PTP4A3: variants seen among roughly 807,000 people sequenced by gnomAD.
The protein encoded by PTP4A3 is protein tyrosine phosphatase type IVA 3.
PTP4A3 carries 9 observed loss-of-function variants against 15.2 expected under a neutral mutation model. The ratio of observed to expected loss-of-function variants is 0.59; its 90% CI spans 0.36 to 1.03. The LOEUF is 1.03. Ranked by LOEUF, PTP4A3 falls within the 50% of genes least tolerant of loss-of-function variation. The pLI, the probability that PTP4A3 is intolerant of heterozygous loss-of-function variation, is 0.02. For missense variants in PTP4A3, 234 were observed against 252.1 expected, an observed-to-expected ratio of 0.93 and a Z score of 0.49; for synonymous variants, 95 against 102.0, an observed-to-expected ratio of 0.93 and a Z score of 0.41.
intron 1 of PTP4A3, among the ~76,000 whole-genome samples, chr8:141,413,056 C>G (rs1189194856): frequency 6.6e-6 from 1 of 152,196 alleles, no homozygotes; most frequent in Non-Finnish European, 1.5e-5. Flanking sequence ...GCCATGCGGA[C>G]CCTTGGAGAG....
intron 1 of PTP4A3, among the ~76,000 whole-genome samples, chr8:141,418,762 C>T (rs1160261647): frequency 1.3e-5 from 2 of 152,294 alleles, no homozygotes; most frequent in South Asian, 2.1e-4. Context: ...GTCCCCATTT[C>T]GCAGATGGGA....
In PTP4A3 at chr8:141,422,006, G is replaced by C. The variant is rs1833353964; in HGVS notation, c.-235G>C. ...CTGTTTTGTTCCTTTTCTTTTTTAA[G>C]AGTTGGGTTTTCTTTTTTAATTATC... On this transcript the variant is annotated 5_prime_UTR_variant, in exon 2 of 6. Coordinates refer to ENST00000521578, the MANE Select transcript of PTP4A3 (RefSeq NM_032611.3). The C allele has an allele frequency of 2.0e-6, 1 of 497,934 alleles. No individual in the cohort carries two copies. Among genetic ancestry groups the C allele is most frequent in the African/African-American group, 2.0e-5 (1 of 49,856 alleles). 30.8% of individuals were successfully genotyped at this position (497,934 alleles called of 1,614,324 possible). A position where few individuals can be genotyped will look rare whatever the true frequency, so the allele number is the denominator to read the frequency against.
chr8:141,406,640 G>A lies in PTP4A3; in HGVS notation c.-854+14556G>A, dbSNP rs917361491. Reference sequence around the variant, plus strand: ...GGGCCCAGACTCATTGACATCCTGCGTGAACTACAGTTTTGGTAGAGGTGC... The same window carrying A: ...GGGCCCAGACTCATTGACATCCTGCATGAACTACAGTTTTGGTAGAGGTGC... On this transcript the variant is annotated intron_variant, in intron 1 of 5. Coordinates refer to ENST00000521578, the MANE Select transcript of PTP4A3 (RefSeq NM_032611.3). This position sits in a 1 kb window ranked among gnomAD's most constrained non-coding sequence, Gnocchi z 4.5. Among the ~76,000 whole-genome samples, 2 of 152,168 alleles carry A rather than the reference G, an allele frequency of 1.3e-5. No homozygotes were observed. The highest frequency in any genetic ancestry group is 2.9e-5 in the Non-Finnish European group (2 of 68,030).
In PTP4A3 at chr8:141,425,196, C is replaced by CGGGGGGGGG; in HGVS notation, c.198+62_198+63insGGGGGGGGG. 6.9e-5 allele frequency: 25 copies of CGGGGGGGGG among 361,442 alleles called. No homozygotes were observed. The highest frequency in any genetic ancestry group is 2.0e-4 in the East Asian group (3 of 14,872). The allele number at this position is 361,442 out of a possible 1,614,324, so 22.4% of individuals were successfully genotyped here. A position where few individuals can be genotyped will look rare whatever the true frequency, so the allele number is the denominator to read the frequency against. On this transcript the variant is annotated intron_variant, in intron 3 of 5. Coordinates refer to ENST00000521578, the MANE Select transcript of PTP4A3 (RefSeq NM_032611.3). This position sits in a 1 kb window ranked among gnomAD's most constrained non-coding sequence, Gnocchi z 4.2. ...CTGCTGCCACCGGGGGAGGGTGGGG[C>CGGGGGGGGG]GGGGGGCTCCGGGCCTGCGCAGAGG...
intron 2 of PTP4A3, among the ~76,000 whole-genome samples, chr8:141,423,997 C>T (rs1474668561): frequency 6.6e-6 from 1 of 151,416 alleles, no homozygotes; most frequent in South Asian, 2.1e-4. Context: ...GATCAGGGCT[C>T]AGTGTGTGAC....
At chr8:141,393,006 G>C (rs1586528680) in intron 1 of PTP4A3, among the ~76,000 whole-genome samples, 1 of 152,212 alleles carries the variant, frequency 6.6e-6, no homozygotes, top group African/African-American at 2.4e-5. Context: ...CATCCACCTA[G>C]TCTGTGGACC....
chr8:141,422,956 T>G (rs953476942), intron 2 of PTP4A3, among the ~76,000 whole-genome samples: 2 of 152,224 alleles, frequency 1.3e-5, no homozygotes, highest in African/African-American at 2.4e-5. Context: ...CTGCATGGCC[T>G]CCTGGAGGAG....
chr8:141,398,356 T>G (rs1027048585), intron 1 of PTP4A3, among the ~76,000 whole-genome samples: 3 of 152,158 alleles, frequency 2.0e-5, no homozygotes, highest in Non-Finnish European at 4.4e-5. Flanking sequence ...CTCCCAGAGA[T>G]TCCAGCACCC....
intron 5 of PTP4A3, among the ~76,000 whole-genome samples, chr8:141,429,373 A>AGCCCCC (rs1385695184): frequency 2.0e-5 from 3 of 152,232 alleles, no homozygotes; most frequent in African/African-American, 7.2e-5. Context: ...CTGGGTGGGC[A>AGCCCCC]GCCCCCGCCC....
At chr8:141,402,908 C>T (rs1249863118) in intron 1 of PTP4A3, among the ~76,000 whole-genome samples, 1 of 152,156 alleles carries the variant, frequency 6.6e-6, no homozygotes, top group East Asian at 1.9e-4. Flanking sequence ...TGCCTGCGGG[C>T]AGCCCGGGGG....
chr8:141,416,904 G>GCAGGGAC (rs570338475), intron 1 of PTP4A3, among the ~76,000 whole-genome samples: 271 of 152,274 alleles, frequency 1.8e-3, no homozygotes, highest in African/African-American at 5.6e-3. Context: ...ACCTCAGATT[G>GCAGGGAC]CAGGGACCAG....
chr8:141,407,981 G>C (rs1358975090), intron 1 of PTP4A3, among the ~76,000 whole-genome samples: 2 of 130,544 alleles, frequency 1.5e-5, no homozygotes, highest in African/African-American at 6.8e-5. Flanking sequence ...TTCCAGCGTG[G>C]CCCAGGGAAG....
At chr8:141,408,457 A>G (rs906210596) in intron 1 of PTP4A3, among the ~76,000 whole-genome samples, 9 of 152,140 alleles carry the variant, frequency 5.9e-5, no homozygotes, top group African/African-American at 2.2e-4. Flanking sequence ...TGTCTCTACT[A>G]AAAATACAAA....
chr8:141,393,052 C>T (rs1401509241), intron 1 of PTP4A3, among the ~76,000 whole-genome samples: 5 of 152,168 alleles, frequency 3.3e-5, no homozygotes, highest in Admixed American at 2.6e-4. Flanking sequence ...GCAGTGTCCT[C>T]GGCTGCAGAC....
chr8:141,403,908 A>G (rs1277963922), intron 1 of PTP4A3, among the ~76,000 whole-genome samples: 1 of 152,234 alleles, frequency 6.6e-6, no homozygotes, highest in Non-Finnish European at 1.5e-5. Flanking sequence ...AATAATTTTT[A>G]TTCATTTATT....
chr8:141,418,845 C>T (rs1184877538), intron 1 of PTP4A3, among the ~76,000 whole-genome samples: 2 of 152,174 alleles, frequency 1.3e-5, no homozygotes, highest in South Asian at 2.1e-4. Flanking sequence ...TCTCAGGGCC[C>T]TACCTGGTGA....
rs2130253980 is a variant in PTP4A3 at position 141,425,371 on chromosome 8, C to T, written c.198+231C>T. ...CCGTCTTTCTGTCTCTAGGGTGGGC[C>T]AGCACGGTTCGCCAGGCAGGGGTGG... On this transcript the variant is annotated intron_variant, in intron 3 of 5. Transcript: ENST00000521578. The surrounding 1 kb of genome is among the most constrained non-coding windows in gnomAD (Gnocchi z 4.2). Among the ~76,000 whole-genome samples the T allele has an allele frequency of 6.6e-6, 1 of 152,200 alleles. No individual in the cohort carries two copies. The highest frequency in any genetic ancestry group is 2.4e-5 in the African/African-American group (1 of 41,536).
intron 4 of PTP4A3, 130 bp from the exon 5 acceptor site, chr8:141,427,620 T>C: frequency 2.7e-6 from 2 of 749,782 alleles, no homozygotes; most frequent in Non-Finnish European, 4.3e-6. Context: ...GTGGCCTCCA[T>C]GGGGGAGCTT....
chr8:141,417,461 G>A (rs1295132957), intron 1 of PTP4A3, among the ~76,000 whole-genome samples: 1 of 152,094 alleles, frequency 6.6e-6, no homozygotes, highest in Non-Finnish European at 1.5e-5. Context: ...TCCTCAGGGT[G>A]CAGGACAGCA....
Sources: gnomAD v4.1 joint callset for allele counts (sites outside exome capture counted in the v4.1 genomes callset) on GRCh38, gnomAD v4.1.1 for gene constraint, Gnocchi (gnomAD v3.1) non-coding constraint, MANE v1.5 for transcripts, NCBI Gene and HGNC (gene_info 2026-07-23, HGNC 2026-07-21) for gene names.